Variants in ATG10 observed in about 807,000 individuals in gnomAD.
The protein encoded by ATG10 is ubiquitin-like-conjugating enzyme ATG10.
Under a neutral mutation model 32.1 loss-of-function variants are expected in ATG10, and 30 were observed. The ratio of observed to expected loss-of-function variants is 0.94; its 90% CI spans 0.70 to 1.27. ATG10 has a LOEUF of 1.27. ATG10 is among the 50% of genes most tolerant of loss of function. The pLI is 0.00. For missense variants in ATG10, 233 were observed against 262.3 expected (o/e 0.89, Z 0.77); for synonymous variants, 87 against 91.5 (o/e 0.95, Z 0.28).
intron 3 of ATG10, among the ~76,000 whole-genome samples, chr5:82,123,812 T>TGA (rs1766142987): frequency 6.7e-6 from 1 of 150,100 alleles, no homozygotes. Context: ...GGTGTAAGCC[T>TGA]GTTGTCTCAG....
At chr5:82,159,331 T>TG (rs1743205362) in intron 3 of ATG10, among the ~76,000 whole-genome samples, 1 of 152,130 alleles carries the variant, frequency 6.6e-6, no homozygotes, top group Admixed American at 6.5e-5. Context: ...TCACTTAATA[T>TG]TTTCAGACCA....
chr5:82,055,899 A>G lies in ATG10; in HGVS notation c.109-2596A>G, dbSNP rs117996109. ...CAAATTTTACACAAATTTTGTTACAATTGCCTGCAATTAATACAGTAACAT... is the reference window on the plus strand; with the variant it reads ...CAAATTTTACACAAATTTTGTTACAGTTGCCTGCAATTAATACAGTAACAT... On this transcript the variant is annotated intron_variant, in intron 2 of 7. Coordinates refer to ENST00000282185, the MANE Select transcript of ATG10 (RefSeq NM_031482.5). Among the ~76,000 whole-genome samples, 27 of 152,288 alleles carry G rather than the reference A, an allele frequency of 1.8e-4. No individual in the cohort carries two copies. The East Asian group carries it at 2.7e-3, about 15-fold the overall frequency.
chr5:82,253,543 C>G, intron 7 of ATG10, 114 bp downstream of exon 7: 1 of 694,312 alleles, frequency 1.4e-6, no homozygotes, highest in South Asian at 1.8e-5. Context: ...TGGGCAAACC[C>G]TGACTTAATT....
chr5:82,129,640 CA>C (rs1766434748), intron 3 of ATG10, among the ~76,000 whole-genome samples: 1 of 152,158 alleles, frequency 6.6e-6, no homozygotes, highest in Non-Finnish European at 1.5e-5. Context: ...GAGGTCCACT[CA>C]AACCCTGTTT....
chr5:82,226,364 T>A (rs1334338267), intron 5 of ATG10, among the ~76,000 whole-genome samples: 1 of 152,206 alleles, frequency 6.6e-6, no homozygotes, highest in Non-Finnish European at 1.5e-5. Flanking sequence ...GGGTTCTTTT[T>A]ACTTCTTTTT....
intron 5 of ATG10, among the ~76,000 whole-genome samples, chr5:82,189,210 T>A (rs1020432207): frequency 6.6e-6 from 1 of 152,174 alleles, no homozygotes; most frequent in African/African-American, 2.4e-5. Flanking sequence ...AAGTGAATAA[T>A]AACTAAATGG....
chr5:82,016,308 C>T (rs554178526), intron 2 of ATG10, among the ~76,000 whole-genome samples: 44 of 152,188 alleles, frequency 2.9e-4, no homozygotes, highest in African/African-American at 7.7e-4. Context: ...TGTGGCTTGC[C>T]GATTATCCCA....
At chr5:82,174,284 T>A (rs1743924201) in intron 4 of ATG10, among the ~76,000 whole-genome samples, 1 of 152,210 alleles carries the variant, frequency 6.6e-6, no homozygotes, top group Admixed American at 6.5e-5. Flanking sequence ...TAAGTCATTG[T>A]TGTCATAGAG....
At chr5:82,102,387 C>T (rs1765308261) in intron 3 of ATG10, among the ~76,000 whole-genome samples, 1 of 152,036 alleles carries the variant, frequency 6.6e-6, no homozygotes, top group South Asian at 2.1e-4. Flanking sequence ...CCTCATGAGT[C>T]TGTAGTAAGT....
intron 3 of ATG10, 49 bp downstream of exon 3, chr5:82,058,651 A>G (rs1044708704): frequency 1.6e-6 from 2 of 1,289,048 alleles, no homozygotes; most frequent in African/African-American, 1.5e-5. Context: ...TAAAGTATAC[A>G]TTTAAAAATG....
chr5:82,253,324 T>C lies in ATG10; in HGVS notation c.562T>C (p.Tyr188His). The change falls in exon 7 of 8, where the codon TAT becomes CAT. Residue 188 changes from tyrosine to histidine, a missense_variant. Tyr to His is a moderately conservative substitution (Grantham distance 83). Coordinates refer to ENST00000282185, the MANE Select transcript of ATG10 (RefSeq NM_031482.5). Reference sequence around the variant, plus strand: ...TCACTTGTTTCCTAGGAATGTCAACTATATCACATCATGGCTGAGCATTGT... The same window carrying C: ...TCACTTGTTTCCTAGGAATGTCAACCATATCACATCATGGCTGAGCATTGT... ...NSQKINKNVNYITSWLSIVGP... is the reference protein window; with the variant it reads ...NSQKINKNVNHITSWLSIVGP... The C allele has an allele frequency of 6.2e-7, 1 of 1,610,374 alleles. No individual in the cohort carries two copies. Among genetic ancestry groups the C allele is most frequent in the Middle Eastern group, 1.7e-4 (1 of 6,054 alleles).
intron 3 of ATG10, among the ~76,000 whole-genome samples, chr5:82,135,802 T>A (rs61343057): frequency 0.017 from 2,566 of 152,292 alleles, 77 homozygotes; most frequent in African/African-American, 0.058. Flanking sequence ...TTGATCTTTC[T>A]AATATTGACA....
At chr5:82,197,459 T>TAC (rs1744899456) in intron 5 of ATG10, among the ~76,000 whole-genome samples, 2 of 148,620 alleles carry the variant, frequency 1.3e-5, no homozygotes, top group South Asian at 2.2e-4. Flanking sequence ...TATCTGTCTA[T>TAC]CTACCTACCT....
rs557650136 is a variant in ATG10, at chr5:82,026,982, C to G, written c.109-31513C>G. 2.6e-5 allele frequency among the ~76,000 whole-genome samples: 4 copies of G among 151,830 alleles called. No individual in the cohort carries two copies. In the South Asian group the frequency reaches 8.3e-4, roughly 32 times the overall value. ...GCTGAGGCAGGAGAATCGCTTGAAC[C>G]CAGGAGGCGGAGTTTGCAGTGAGCC... On this transcript the variant is annotated intron_variant, in intron 2 of 7. Coordinates refer to ENST00000282185, the MANE Select transcript of ATG10 (RefSeq NM_031482.5).
chr5:82,142,591 A>G (rs534046232), intron 3 of ATG10, among the ~76,000 whole-genome samples: 5 of 152,366 alleles, frequency 3.3e-5, no homozygotes, highest in East Asian at 3.9e-4. Context: ...CTCAGATGCC[A>G]TCTTGGAAGT....
chr5:81,983,645 C>CCCTCCCA (rs2149661194), intron 1 of ATG10, among the ~76,000 whole-genome samples: 1 of 149,754 alleles, frequency 6.7e-6, no homozygotes, highest in Admixed American at 6.6e-5. Flanking sequence ...GGGGGGCTGA[C>CCCTCCCA]CCTCCCACCT....
At chr5:82,133,314 G>A (rs1182635723) in intron 3 of ATG10, among the ~76,000 whole-genome samples, 1 of 152,086 alleles carries the variant, frequency 6.6e-6, no homozygotes, top group Non-Finnish European at 1.5e-5. Context: ...CTTTGCCCAT[G>A]CCTATGTCCT....
chr5:82,046,851 TAA>T (rs1014579235), intron 2 of ATG10, among the ~76,000 whole-genome samples: 1 of 152,196 alleles, frequency 6.6e-6, no homozygotes, highest in African/African-American at 2.4e-5. Context: ...TTTAATCTCT[TAA>T]TTCTCTTGAG....
chr5:81,979,400 C>T (rs1561235539), intron 1 of ATG10, among the ~76,000 whole-genome samples: 1 of 152,038 alleles, frequency 6.6e-6, no homozygotes, highest in Admixed American at 6.6e-5. Context: ...TGGTGGCGGG[C>T]CCCTGTAGTC....
Sources: allele counts gnomAD v4.1 joint callset (sites outside exome capture counted in the v4.1 genomes callset), GRCh38; gene constraint gnomAD v4.1.1; transcripts MANE v1.5; gene names NCBI Gene and HGNC (gene_info 2026-07-23, HGNC 2026-07-21).